Variants in ARHGAP24 observed in about 807,000 individuals in gnomAD.
The protein encoded by ARHGAP24 is rho GTPase-activating protein 24.
Under a neutral mutation model 76.4 loss-of-function variants are expected in ARHGAP24, and 50 were observed. The ratio of observed to expected loss-of-function variants is 0.65; its 90% confidence interval spans 0.52 to 0.83. The LOEUF is 0.83. Among genes scored for constraint, ARHGAP24 ranks in the 40% least tolerant of loss-of-function variants. The pLI is 0.00. For missense variants in ARHGAP24, 930 were observed against 914.2 expected, an observed-to-expected ratio of 1.02 and a Z score of -0.22; for synonymous variants, 345 against 323.3, an observed-to-expected ratio of 1.07 and a Z score of -0.72.
intron 2 of ARHGAP24, among the ~76,000 whole-genome samples, chr4:85,585,392 G>A (rs115018868): frequency 1.6e-3 from 238 of 152,306 alleles, no homozygotes; most frequent in Middle Eastern, 6.8e-3. Context: ...GAAGAGTGTG[G>A]CTATCAAGCC....
At chr4:85,616,057 A>C (rs1053846994) in intron 2 of ARHGAP24, among the ~76,000 whole-genome samples, 2 of 152,234 alleles carry the variant, frequency 1.3e-5, no homozygotes, top group Non-Finnish European at 2.9e-5. Flanking sequence ...AAAGCAGATC[A>C]GACACTGGAG....
intron 2 of ARHGAP24, among the ~76,000 whole-genome samples, chr4:85,599,050 T>C (rs973003777): frequency 6.6e-6 from 1 of 152,132 alleles, no homozygotes; most frequent in Non-Finnish European, 1.5e-5. Context: ...TAAAGCACAT[T>C]TGAATTCAAC....
At chr4:85,863,964 G>A (rs1319388190) in intron 3 of ARHGAP24, among the ~76,000 whole-genome samples, 6 of 152,038 alleles carry the variant, frequency 3.9e-5, no homozygotes, top group Non-Finnish European at 8.8e-5. Context: ...ATTTAGATAG[G>A]ACTCATAGAT....
chr4:85,931,408 G>A (rs1303638576), intron 4 of ARHGAP24, among the ~76,000 whole-genome samples: 2 of 152,074 alleles, frequency 1.3e-5, no homozygotes, highest in African/African-American at 2.4e-5. Flanking sequence ...TCAAAACAGG[G>A]CCCTCGCAAA....
At chr4:85,794,936 A>G (rs1223357087) in intron 3 of ARHGAP24, among the ~76,000 whole-genome samples, 1 of 152,250 alleles carries the variant, frequency 6.6e-6, no homozygotes, top group Admixed American at 6.5e-5. Context: ...GATGAAATAA[A>G]GGTCCACCCT....
At chr4:85,783,656 A>C (rs1277914628) in intron 3 of ARHGAP24, among the ~76,000 whole-genome samples, 2 of 152,174 alleles carry the variant, frequency 1.3e-5, no homozygotes, top group African/African-American at 4.8e-5. Flanking sequence ...CATGTACCCC[A>C]TTCTCTGAAA....
At chr4:85,706,150 G>A (rs1465128265) in intron 2 of ARHGAP24, among the ~76,000 whole-genome samples, 1 of 152,134 alleles carries the variant, frequency 6.6e-6, no homozygotes, top group Non-Finnish European at 1.5e-5. Flanking sequence ...GCATTGGTAG[G>A]GGGATGAACT....
intron 5 of ARHGAP24, among the ~76,000 whole-genome samples, chr4:85,942,612 T>G (rs1737016430): frequency 6.6e-6 from 1 of 152,186 alleles, no homozygotes; most frequent in Admixed American, 6.5e-5. Context: ...TTCTGTTAAG[T>G]AATGTTAAAA....
intron 2 of ARHGAP24, among the ~76,000 whole-genome samples, chr4:85,576,568 C>G (rs1471015222): frequency 2.0e-5 from 3 of 152,090 alleles, no homozygotes; most frequent in East Asian, 3.8e-4. Flanking sequence ...TAAAATAATA[C>G]TAGAAACCTT....
intron 1 of ARHGAP24, among the ~76,000 whole-genome samples, chr4:85,565,007 A>G (rs1217305534): frequency 2.7e-5 from 4 of 145,504 alleles, no homozygotes; most frequent in African/African-American, 1.0e-4. Context: ...ACACACACCC[A>G]TACACATATG....
chr4:85,755,621 C>CTTTTTTTT (rs1333998454), intron 3 of ARHGAP24, among the ~76,000 whole-genome samples: 3 of 21,378 alleles, frequency 1.4e-4, no homozygotes, highest in Non-Finnish European at 2.0e-3. Context: ...AGCTTCTATT[C>CTTTTTTTT]TTTTGTTTTG....
At chr4:85,765,673 C>T (rs968306077) in intron 3 of ARHGAP24, among the ~76,000 whole-genome samples, 1 of 151,880 alleles carries the variant, frequency 6.6e-6, no homozygotes, top group African/African-American at 2.4e-5. Flanking sequence ...ACAAAATAAC[C>T]ATGGAAAGTA....
intron 3 of ARHGAP24, among the ~76,000 whole-genome samples, chr4:85,873,485 G>A (rs568201914): frequency 6.6e-6 from 1 of 152,256 alleles, no homozygotes; most frequent in Middle Eastern, 3.4e-3. Context: ...GTGCAGTGCA[G>A]AGGATTTACA....
chr4:85,607,426 G>A (rs1344924604), intron 2 of ARHGAP24, among the ~76,000 whole-genome samples: 1 of 151,864 alleles, frequency 6.6e-6, no homozygotes, highest in Non-Finnish European at 1.5e-5. Flanking sequence ...GAAAAAGAGA[G>A]AAAGAGAAAG....
rs1464593221 is a variant in ARHGAP24, at chr4:85,491,332, C to G, written c.-21+15773C>G. ...AAGAAAAATAACAATTTTGTTATCT[C>G]TCATTTCCTCTGCTAATTTTTGTGT... On this transcript the variant is annotated intron_variant, in intron 1 of 9. Coordinates refer to ENST00000395184, the MANE Select transcript of ARHGAP24 (RefSeq NM_001025616.3). 1.3e-5 allele frequency among the ~76,000 whole-genome samples: 2 copies of G among 152,142 alleles called. 1 individual carries two copies. Among genetic ancestry groups the G allele is most frequent in the Non-Finnish European group, 2.9e-5 (2 of 68,034 alleles).
chr4:85,659,237 C>CAG (rs1342219261), intron 2 of ARHGAP24, among the ~76,000 whole-genome samples: 1 of 152,086 alleles, frequency 6.6e-6, no homozygotes, highest in Non-Finnish European at 1.5e-5. Context: ...TTGGCCTGAA[C>CAG]AGAGGAAAGA....
At chr4:85,951,777 A>G (rs1737629093) in intron 5 of ARHGAP24, among the ~76,000 whole-genome samples, 1 of 152,196 alleles carries the variant, frequency 6.6e-6, no homozygotes, top group Non-Finnish European at 1.5e-5. Flanking sequence ...TGTCTTTGTT[A>G]AAATATATTT....
intron 3 of ARHGAP24, among the ~76,000 whole-genome samples, chr4:85,757,832 A>G (rs1048080009): frequency 6.6e-6 from 1 of 152,208 alleles, no homozygotes; most frequent in Non-Finnish European, 1.5e-5. Context: ...CAGTCCCACC[A>G]ACAGTGTAAA....
chr4:85,581,274 G>T lies in ARHGAP24; in HGVS notation c.180+10553G>T, dbSNP rs919116331. ...ATTTCTCTTCTGACTTATTGTTTATGTTCATGTCACGTAGTTAGAAAAGAT... is the reference window on the plus strand; with the variant it reads ...ATTTCTCTTCTGACTTATTGTTTATTTTCATGTCACGTAGTTAGAAAAGAT... On this transcript the variant is annotated intron_variant, in intron 2 of 9. Transcript: ENST00000395184. 2.0e-5 allele frequency among the ~76,000 whole-genome samples: 3 copies of T among 151,960 alleles called. No individual in the cohort carries two copies. The South Asian group carries it at 6.2e-4, about 32-fold the overall frequency.
Sources: gnomAD v4.1 joint callset for allele counts (sites outside exome capture counted in the v4.1 genomes callset) on GRCh38, gnomAD v4.1.1 for gene constraint, MANE v1.5 for transcripts, NCBI Gene and HGNC (gene_info 2026-07-23, HGNC 2026-07-21) for gene names.